Variants in ACYP2 observed in about 807,000 individuals in gnomAD.
The protein encoded by ACYP2 is acylphosphatase 2, also known as acylphosphatase-2.
Under a neutral mutation model 11.2 loss-of-function variants are expected in ACYP2, and 12 were observed. The ratio of observed to expected loss-of-function variants is 1.08; its 90% confidence interval spans 0.69 to 1.74. The LOEUF is 1.74. Ranked by LOEUF, ACYP2 falls within the 40% of genes most tolerant of loss-of-function variation. The pLI is 0.00. For missense variants in ACYP2, 134 were observed against 101.9 expected (o/e 1.31, Z -1.35); for synonymous variants, 43 against 32.2 (o/e 1.33, Z -1.13).
At chr2:54,089,574 C>T (rs1678114337) in intron 4 of ACYP2, among the ~76,000 whole-genome samples, 2 of 151,232 alleles carry the variant, frequency 1.3e-5, no homozygotes. Context: ...CTTGTCTCTA[C>T]AAAACAAATT....
chr2:54,113,123 G>A (rs371621904), intron 4 of ACYP2, among the ~76,000 whole-genome samples: 1 of 152,122 alleles, frequency 6.6e-6, no homozygotes, highest in South Asian at 2.1e-4. Flanking sequence ...TGTCCTGTAT[G>A]TTTTAAGTCA....
At chr2:54,257,304 G>T (rs1687600599) in intron 6 of ACYP2, among the ~76,000 whole-genome samples, 1 of 152,140 alleles carries the variant, frequency 6.6e-6, no homozygotes, top group Admixed American at 6.5e-5. Context: ...TATGAGTGGG[G>T]TCACAATTTC....
At chr2:54,060,196 C>A (rs991186477) in intron 4 of ACYP2, among the ~76,000 whole-genome samples, 1 of 152,156 alleles carries the variant, frequency 6.6e-6, no homozygotes, top group Non-Finnish European at 1.5e-5. Context: ...TTCTGAAAAT[C>A]CTATGAGTCA....
intron 6 of ACYP2, among the ~76,000 whole-genome samples, chr2:54,247,912 G>A (rs552923016): frequency 2.6e-4 from 39 of 152,100 alleles, no homozygotes; most frequent in Non-Finnish European, 5.0e-4. Flanking sequence ...TGCAGAATGG[G>A]GACAGAAATA....
At chr2:53,983,873 G>A (rs1293450827) in intron 2 of ACYP2, among the ~76,000 whole-genome samples, 1 of 152,176 alleles carries the variant, frequency 6.6e-6, no homozygotes, top group African/African-American at 2.4e-5. Flanking sequence ...AGGAAACAAT[G>A]AGTACAATGT....
At chr2:54,093,946 C>G (rs1038909076) in intron 4 of ACYP2, among the ~76,000 whole-genome samples, 2 of 46,162 alleles carry the variant, frequency 4.3e-5, no homozygotes, top group African/African-American at 2.3e-4. Flanking sequence ...TCTCAAAAAA[C>G]AAACAAACAA....
chr2:54,176,867 G>C (rs1428828219), intron 6 of ACYP2, among the ~76,000 whole-genome samples: 3 of 152,150 alleles, frequency 2.0e-5, no homozygotes, highest in African/African-American at 7.2e-5. Context: ...GGCCATCCTA[G>C]CTCTAGAGCT....
chr2:53,984,330 C>T (rs1558452363), intron 2 of ACYP2, among the ~76,000 whole-genome samples: 2 of 152,044 alleles, frequency 1.3e-5, no homozygotes. Context: ...GTAATCCCAG[C>T]ACTTTGGGAG....
At chr2:54,266,469 A>G (rs1558655627) in intron 6 of ACYP2, among the ~76,000 whole-genome samples, 1 of 151,996 alleles carries the variant, frequency 6.6e-6, no homozygotes, top group Non-Finnish European at 1.5e-5. Context: ...ACAACACCCT[A>G]TAAACCAGGT....
At chr2:53,989,809 A>G (rs1243327567) in intron 2 of ACYP2, among the ~76,000 whole-genome samples, 2 of 152,212 alleles carry the variant, frequency 1.3e-5, no homozygotes, top group East Asian at 3.9e-4. Flanking sequence ...GTGGCTGCCT[A>G]CAGTGGCCAT....
intron 6 of ACYP2, among the ~76,000 whole-genome samples, chr2:54,177,725 G>A (rs527862179): frequency 2.7e-5 from 4 of 150,900 alleles, no homozygotes; most frequent in African/African-American, 7.3e-5. Context: ...CTACAGGCAC[G>A]CACCACCATG....
At chr2:54,016,135 A>G (rs1415880060) in intron 2 of ACYP2, among the ~76,000 whole-genome samples, 1 of 151,842 alleles carries the variant, frequency 6.6e-6, no homozygotes, top group Non-Finnish European at 1.5e-5. Flanking sequence ...TGCTAAGCAT[A>G]TTTGGGATGT....
intron 6 of ACYP2, among the ~76,000 whole-genome samples, chr2:54,276,298 C>T (rs1230708766): frequency 6.6e-6 from 1 of 152,092 alleles, no homozygotes; most frequent in African/African-American, 2.4e-5. Context: ...TGTCTGGTGT[C>T]TCCATGTTGT....
At chr2:54,026,937 A>T (rs1674319240) in intron 2 of ACYP2, among the ~76,000 whole-genome samples, 1 of 152,144 alleles carries the variant, frequency 6.6e-6, no homozygotes, top group Non-Finnish European at 1.5e-5. Flanking sequence ...GGGATAAAAG[A>T]CTACACACTG....
chr2:54,146,751 T>C (rs750716899), intron 6 of ACYP2, among the ~76,000 whole-genome samples: 1 of 152,080 alleles, frequency 6.6e-6, no homozygotes, highest in Non-Finnish European at 1.5e-5. Flanking sequence ...CTGAGGATAT[T>C]ATGTGTATCT....
At chr2:54,062,366 G>A (rs1358620194) in intron 4 of ACYP2, among the ~76,000 whole-genome samples, 1 of 152,122 alleles carries the variant, frequency 6.6e-6, no homozygotes, top group African/African-American at 2.4e-5. Context: ...TTTTGTAAGT[G>A]ACCTCACATA....
At chr2:54,047,073 G>A (rs1228484901) in intron 2 of ACYP2, among the ~76,000 whole-genome samples, 1 of 152,224 alleles carries the variant, frequency 6.6e-6, no homozygotes, top group East Asian at 1.9e-4. Context: ...AGATTTAGAT[G>A]ACATTGCAAA....
intron 6 of ACYP2, among the ~76,000 whole-genome samples, chr2:54,156,708 C>T (rs909685945): frequency 1.3e-5 from 2 of 152,058 alleles, no homozygotes; most frequent in African/African-American, 2.4e-5. Flanking sequence ...CTCTGTCATC[C>T]AGGCTGTAGT....
At chr2:53,982,749 A>G (rs1479112448) in intron 2 of ACYP2, among the ~76,000 whole-genome samples, 2 of 151,680 alleles carry the variant, frequency 1.3e-5, no homozygotes, top group Non-Finnish European at 2.9e-5. Flanking sequence ...CCAGTTTGGC[A>G]CTGCTTCGAC....
Sources: allele counts gnomAD v4.1 joint callset (sites outside exome capture counted in the v4.1 genomes callset), GRCh38; gene constraint gnomAD v4.1.1; transcripts MANE v1.5; gene names NCBI Gene and HGNC (gene_info 2026-07-23, HGNC 2026-07-21).